C7orf33: variants seen among roughly 807,000 people sequenced by gnomAD.
C7orf33 encodes chromosome 7 open reading frame 33, also known as uncharacterized protein C7orf33.
A neutral mutation model predicts 13.4 loss-of-function variants in C7orf33; 15 were observed. That is an observed-to-expected ratio of 1.12 (90% CI 0.75 to 1.72). C7orf33 has a LOEUF of 1.72. Ranked by LOEUF, C7orf33 falls within the 40% of genes most tolerant of loss-of-function variation. The pLI is 0.00. For synonymous variants in C7orf33, 73 were observed against 83.2 expected, an observed-to-expected ratio of 0.88 and a Z score of 0.67; for missense variants, 187 against 220.3, an observed-to-expected ratio of 0.85 and a Z score of 0.96.
chr7:148,603,006 A>G (rs527944096), intron 1 of C7orf33, among the ~76,000 whole-genome samples: 1 of 152,338 alleles, frequency 6.6e-6, no homozygotes, highest in South Asian at 2.1e-4. Context: ...AGAAAAGCAA[A>G]TGAAACCATC....
At chr7:148,595,685 C>G (rs558802244) in intron 1 of C7orf33, among the ~76,000 whole-genome samples, 39 of 89,586 alleles carry the variant, frequency 4.4e-4, no homozygotes, top group East Asian at 1.2e-3. Context: ...TAATATAGAT[C>G]TATATTATAT....
intron 1 of C7orf33, among the ~76,000 whole-genome samples, chr7:148,595,361 CAAATATAATATAGATCTCTATTAT>C (rs1796318617): frequency 7.7e-6 from 1 of 130,200 alleles, no homozygotes; most frequent in South Asian, 2.3e-4. Flanking sequence ...ATAGATATAT[CAAATATAATATAGATCTCTATTAT>C]ATAGATATAT....
chr7:148,615,690 A>AG lies in C7orf33; in HGVS notation c.*289_*290insG. Reference sequence around the variant, plus strand: ...CACCAGGTTCTAAAGGGAGACGAAGATCCCCAGAGGACCTGGATAGAGATG... The same window carrying AG: ...CACCAGGTTCTAAAGGGAGACGAAGAGTCCCCAGAGGACCTGGATAGAGATG... On this transcript the variant is annotated 3_prime_UTR_variant, in exon 3 of 3. Coordinates refer to ENST00000307003, the MANE Select transcript of C7orf33 (RefSeq NM_145304.4). 3.0e-6 allele frequency: 1 copy of AG among 328,202 alleles called. No individual in the cohort carries two copies. The highest frequency in any genetic ancestry group is 6.3e-5 in the East Asian group (1 of 15,994). The allele number at this position is 328,202 out of a possible 1,614,324, so 20.3% of individuals were successfully genotyped here. A position where few individuals can be genotyped will look rare whatever the true frequency, so the allele number is the denominator to read the frequency against.
At position 148,609,595 on chromosome 7, in the gene C7orf33, C is replaced by T. The variant is rs114275446; in HGVS notation, c.205-4447C>T. Among the ~76,000 whole-genome samples the T allele has an allele frequency of 5.6e-3, 851 of 152,254 alleles. 11 individuals carry two copies. The highest frequency in any genetic ancestry group is 0.019 in the African/African-American group (802 of 41,560). ...GTCCTCCTAGGTGTAAAGTGGCTGC[C>T]AATAACAACTGGACTTTCTCTCTAA... On this transcript the variant is annotated intron_variant, in intron 1 of 2. Coordinates refer to ENST00000307003, the MANE Select transcript of C7orf33 (RefSeq NM_145304.4).
At chr7:148,615,261 T>C (rs1314799533) in intron 2 of C7orf33, 66 bp from the exon 3 acceptor site, 1 of 1,066,266 alleles carries the variant, frequency 9.4e-7, no homozygotes, top group African/African-American at 1.6e-5. Flanking sequence ...TAAACTGTGC[T>C]ATTGATGTTC....
intron 1 of C7orf33, among the ~76,000 whole-genome samples, chr7:148,595,300 G>C (rs994748784): frequency 7.3e-6 from 1 of 136,340 alleles, no homozygotes; most frequent in Non-Finnish European, 1.5e-5. Context: ...ATATTATATA[G>C]ATATATAATA....
At chr7:148,598,136 A>G (rs1176156754) in intron 1 of C7orf33, among the ~76,000 whole-genome samples, 1 of 152,118 alleles carries the variant, frequency 6.6e-6, no homozygotes, top group Non-Finnish European at 1.5e-5. Flanking sequence ...GCTTTATATC[A>G]GTGGTATTAT....
intron 1 of C7orf33, among the ~76,000 whole-genome samples, chr7:148,611,748 C>T (rs1585466485): frequency 6.6e-6 from 1 of 152,370 alleles, no homozygotes; most frequent in East Asian, 1.9e-4. Context: ...GATGGCAAAT[C>T]TGAAAGAGCT....
chr7:148,613,458 C>CTA (rs1357631731), intron 1 of C7orf33, among the ~76,000 whole-genome samples: 1 of 152,170 alleles, frequency 6.6e-6, no homozygotes, highest in Non-Finnish European at 1.5e-5. Flanking sequence ...CGTGGTCTAC[C>CTA]TATATAATAA....
rs763118921 is a variant in C7orf33, at chr7:148,591,127, A to G, written c.202A>G (p.Lys68Glu). The G allele has an allele frequency of 2.3e-5, 37 of 1,612,310 alleles. No homozygotes were observed. Among genetic ancestry groups the G allele is most frequent in the Non-Finnish European group, 3.1e-5 (37 of 1,178,702 alleles). Reference sequence around the variant, plus strand: ...CTTGTCATATGCCACGGGAAGACATAAGGTAAGTTAATGATTCTAAGATGA... The same window carrying G: ...CTTGTCATATGCCACGGGAAGACATGAGGTAAGTTAATGATTCTAAGATGA... ...FNLSYATGRHKKPNPHQNMNR... is the reference protein window; with the variant it reads ...FNLSYATGRHEKPNPHQNMNR... Residue 68 changes from lysine to glutamate, a missense_variant and splice_region_variant, in exon 1 of 3, where the codon AAG becomes GAG. Transcript: ENST00000307003.
At chr7:148,598,848 T>G (rs1796381585) in intron 1 of C7orf33, among the ~76,000 whole-genome samples, 1 of 148,974 alleles carries the variant, frequency 6.7e-6, no homozygotes, top group South Asian at 2.1e-4. Context: ...AAATTATTTA[T>G]CTTTTTTTAA....
chr7:148,598,724 G>GGA (rs1337976979), intron 1 of C7orf33, among the ~76,000 whole-genome samples: 167 of 16,012 alleles, frequency 0.01, 2 homozygotes, highest in African/African-American at 0.037. Context: ...TTTCATTCCT[G>GGA]GATATATATA....
chr7:148,595,653 A>ATAGATCTATAT (rs1416362287), intron 1 of C7orf33, among the ~76,000 whole-genome samples: 4 of 81,804 alleles, frequency 4.9e-5, no homozygotes, highest in Non-Finnish European at 8.2e-5. Context: ...TAGATATAAT[A>ATAGATCTATAT]TAGATCTATA....
At chr7:148,603,007 T>C (rs2116895603) in intron 1 of C7orf33, among the ~76,000 whole-genome samples, 1 of 152,112 alleles carries the variant, frequency 6.6e-6, no homozygotes, top group African/African-American at 2.4e-5. Context: ...GAAAAGCAAA[T>C]GAAACCATCC....
At chr7:148,609,277 C>T (rs1330338952) in intron 1 of C7orf33, among the ~76,000 whole-genome samples, 1 of 152,088 alleles carries the variant, frequency 6.6e-6, no homozygotes, top group African/African-American at 2.4e-5. Flanking sequence ...TTCTTACATT[C>T]CTGGGCACAG....
At chr7:148,595,008 C>T (rs986070725) in intron 1 of C7orf33, among the ~76,000 whole-genome samples, 1 of 151,940 alleles carries the variant, frequency 6.6e-6, no homozygotes, top group African/African-American at 2.4e-5. Context: ...TCTTAAGAAG[C>T]AGAAAGTCCT....
At chr7:148,598,005 T>C (rs1796361978) in intron 1 of C7orf33, among the ~76,000 whole-genome samples, 1 of 152,198 alleles carries the variant, frequency 6.6e-6, no homozygotes, top group Admixed American at 6.5e-5. Flanking sequence ...TCCTCCCGCC[T>C]TGGTCTCCAA....
intron 1 of C7orf33, among the ~76,000 whole-genome samples, chr7:148,604,841 A>C (rs1304166300): frequency 6.6e-6 from 1 of 152,252 alleles, no homozygotes; most frequent in Non-Finnish European, 1.5e-5. Context: ...AAAAAAAGGC[A>C]GAGAAAAACT....
chr7:148,615,073 C>T (rs57141427), intron 2 of C7orf33, among the ~76,000 whole-genome samples: 4,456 of 152,134 alleles, frequency 0.029, 220 homozygotes, highest in African/African-American at 0.1. Flanking sequence ...TATCTATTTA[C>T]TTATTTTGAG....
Sources: allele counts gnomAD v4.1 joint callset (sites outside exome capture counted in the v4.1 genomes callset), GRCh38; gene constraint gnomAD v4.1.1; transcripts MANE v1.5; gene names NCBI Gene and HGNC (gene_info 2026-07-23, HGNC 2026-07-21).